The following NTRK2 variants were observed in gnomAD, a reference collection of about 807,000 sequenced individuals.
NTRK2 encodes the protein BDNF/NT-3 growth factors receptor.
In NTRK2, 13 loss-of-function variants were observed where a neutral mutation model predicts 94.5. That is an observed-to-expected ratio of 0.14 (90% CI 0.09 to 0.22). NTRK2 has a LOEUF of 0.22. NTRK2 is among the 10% of genes least tolerant of loss of function. The pLI is 1.00. For missense variants in NTRK2, 639 were observed against 1,071.2 expected (o/e 0.60, Z 5.63); for synonymous variants, 372 against 407.4 (o/e 0.91, Z 1.05).
At chr9:84,764,385 T>C (rs527993042) in intron 12 of NTRK2, among the ~76,000 whole-genome samples, 2 of 152,220 alleles carry the variant, frequency 1.3e-5, no homozygotes, top group East Asian at 3.9e-4. Flanking sequence ...ATTTCTTCTG[T>C]TTTTATTTCA....
At chr9:84,767,045 G>T (rs771793623) in intron 12 of NTRK2, among the ~76,000 whole-genome samples, 1 of 152,180 alleles carries the variant, frequency 6.6e-6, no homozygotes, top group Non-Finnish European at 1.5e-5. Context: ...CTTGAGACTA[G>T]AAAGGGATAG....
chr9:84,865,987 A>G (rs2075575510), intron 13 of NTRK2, among the ~76,000 whole-genome samples: 1 of 152,264 alleles, frequency 6.6e-6, no homozygotes, highest in African/African-American at 2.4e-5. Context: ...GACAAGATAC[A>G]GTAGACTGTA....
At chr9:84,869,142 C>T (rs1009096534) in intron 14 of NTRK2, among the ~76,000 whole-genome samples, 4 of 152,150 alleles carry the variant, frequency 2.6e-5, no homozygotes, top group African/African-American at 7.2e-5. Flanking sequence ...CTTAGAAATT[C>T]AGAAAGAAAG....
chr9:85,008,896 G>C (rs1831268319), intron 17 of NTRK2, among the ~76,000 whole-genome samples: 1 of 152,236 alleles, frequency 6.6e-6, no homozygotes, highest in Non-Finnish European at 1.5e-5. Flanking sequence ...CCATAGGGCT[G>C]TTCTCCAAGG....
intron 14 of NTRK2, among the ~76,000 whole-genome samples, chr9:84,930,510 A>G (rs1231644858): frequency 6.6e-6 from 1 of 152,164 alleles, no homozygotes; most frequent in Non-Finnish European, 1.5e-5. Flanking sequence ...TCAGGTGTGT[A>G]AGCCCTGAAG....
At chr9:84,690,897 G>T (rs1251505569) in intron 2 of NTRK2, among the ~76,000 whole-genome samples, 1 of 152,038 alleles carries the variant, frequency 6.6e-6, no homozygotes, top group Non-Finnish European at 1.5e-5. Flanking sequence ...TGTACATAAA[G>T]ACCATTTAAT....
chr9:84,705,782 CT>C lies in NTRK2; in HGVS notation c.360-2039del, dbSNP rs36124860. ...GCATTGTATACCAGTGAAACCCATT[CT>C]TTTTTTTTTTTTTTTTTTTTTTAAA... On this transcript the variant is annotated intron_variant, in intron 4 of 18. Coordinates refer to ENST00000277120, the MANE Select transcript of NTRK2 (RefSeq NM_006180.6). 9.6e-3 allele frequency among the ~76,000 whole-genome samples: 1,050 copies of C among 109,608 alleles called. 7 individuals are homozygous for C. Among genetic ancestry groups the C allele is most frequent in the African/African-American group, 0.03 (863 of 28,730 alleles). 71.9% of individuals were successfully genotyped at this position (109,608 alleles called of 152,430 possible).
At chr9:84,907,506 T>C (rs186357862) in intron 14 of NTRK2, among the ~76,000 whole-genome samples, 306 of 152,266 alleles carry the variant, frequency 2.0e-3, no homozygotes, top group Non-Finnish European at 3.5e-3. Flanking sequence ...TTTTTCAAAA[T>C]GTGGAACAAA....
intron 14 of NTRK2, among the ~76,000 whole-genome samples, chr9:84,905,084 C>T (rs377518653): frequency 3.9e-5 from 6 of 152,162 alleles, no homozygotes; most frequent in African/African-American, 1.4e-4. Flanking sequence ...GCCACATTCA[C>T]GAGAAAGAAT....
chr9:84,945,919 A>G (rs962696879), intron 15 of NTRK2, among the ~76,000 whole-genome samples: 8 of 152,072 alleles, frequency 5.3e-5, no homozygotes, highest in Non-Finnish European at 8.8e-5. Context: ...TGCCCTAATA[A>G]ATGCCTCACC....
Position 84,875,164 on chromosome 9 carries a change from C to T in NTRK2, c.1633+7733C>T, listed in dbSNP as rs201874657. The T allele has an allele frequency of 1.5e-5, 16 of 1,059,058 alleles. No individual in the cohort carries two copies. The East Asian group carries it at 7.3e-4, about 48-fold the overall frequency. The allele number at this position is 1,059,058 out of a possible 1,614,324, so 65.6% of individuals were successfully genotyped here. A position where few individuals can be genotyped will look rare whatever the true frequency, so the allele number is the denominator to read the frequency against. On this transcript the variant is annotated intron_variant, in intron 14 of 18. Transcript: ENST00000277120. ...AATATAAAGTCTGACCATATGTGTC[C>T]TTGCATTTGTTTGTACTGGACTCTG...
chr9:84,701,918 G>A (rs2060753020), intron 2 of NTRK2, among the ~76,000 whole-genome samples: 1 of 152,200 alleles, frequency 6.6e-6, no homozygotes, highest in African/African-American at 2.4e-5. Flanking sequence ...GGGTGAAAGA[G>A]TGATGAAACA....
rs192925242 is a variant in NTRK2 at position 84,994,320 on chromosome 9, T to C, written c.2173-25886T>C. Among the ~76,000 whole-genome samples, 901 of 152,324 alleles carry C rather than the reference T, an allele frequency of 5.9e-3. 32 individuals are homozygous for C. The highest frequency in any genetic ancestry group is 0.054 in the Admixed American group (819 of 15,296). ...TCACTATCATATTCCCCATATCTAA[T>C]GCAAAGCAGACACCCAACAAAAATG... On this transcript the variant is annotated intron_variant, in intron 17 of 18. Transcript: ENST00000277120.
chr9:84,780,909 C>T (rs1198903645), intron 12 of NTRK2, among the ~76,000 whole-genome samples: 3 of 152,052 alleles, frequency 2.0e-5, no homozygotes, highest in Non-Finnish European at 4.4e-5. Context: ...GTATGGCAGA[C>T]TTTGTGATAT....
At chr9:84,692,469 T>C (rs750132265) in intron 2 of NTRK2, among the ~76,000 whole-genome samples, 1 of 11,132 alleles carries the variant, frequency 9.0e-5, no homozygotes, top group African/African-American at 3.6e-4. Flanking sequence ...TCTTTTTTTC[T>C]TTTTTTTTTT....
chr9:84,984,546 G>T (rs1828062963), intron 17 of NTRK2, among the ~76,000 whole-genome samples: 1 of 152,164 alleles, frequency 6.6e-6, no homozygotes, highest in Non-Finnish European at 1.5e-5. Flanking sequence ...TGATTCAGTA[G>T]GCTTAGGGTG....
At chr9:84,806,416 G>A (rs2133469879) in intron 12 of NTRK2, among the ~76,000 whole-genome samples, 1 of 152,332 alleles carries the variant, frequency 6.6e-6, no homozygotes, top group South Asian at 2.1e-4. Context: ...TCCTTGGGAA[G>A]CAAAAGGGGT....
At chr9:84,863,853 G>C (rs1464230142) in intron 13 of NTRK2, among the ~76,000 whole-genome samples, 1 of 152,142 alleles carries the variant, frequency 6.6e-6, no homozygotes, top group Admixed American at 6.5e-5. Flanking sequence ...AAGTGAAAAG[G>C]CTTTTGAAAA....
chr9:84,803,331 C>T (rs1042114105), intron 12 of NTRK2, among the ~76,000 whole-genome samples: 8 of 152,204 alleles, frequency 5.3e-5, no homozygotes, highest in Non-Finnish European at 8.8e-5. Flanking sequence ...TGGTAAAAAG[C>T]TGAAGCCAGA....
Sources: gnomAD v4.1 joint callset for allele counts (sites outside exome capture counted in the v4.1 genomes callset) on GRCh38, gnomAD v4.1.1 for gene constraint, MANE v1.5 for transcripts, NCBI Gene and HGNC (gene_info 2026-07-23, HGNC 2026-07-21) for gene names.